Variants in NBEA observed in about 807,000 individuals in gnomAD.
The protein encoded by NBEA is neurobeachin.
Under a neutral mutation model 343.4 loss-of-function variants are expected in NBEA, and 44 were observed. That is an observed-to-expected ratio of 0.13 (90% CI 0.10 to 0.16). The LOEUF (loss-of-function observed/expected upper bound fraction) is 0.16, where lower values mean the gene tolerates loss of function less well. Ranked by LOEUF, NBEA falls within the 10% of genes least tolerant of loss-of-function variation. The pLI, the probability that NBEA is intolerant of heterozygous loss-of-function variation, is 1.00. For missense variants in NBEA, 2,555 were observed against 3,631.3 expected (o/e 0.70, Z 7.62); for synonymous variants, 1,175 against 1,238.7 (o/e 0.95, Z 1.08).
At chr13:35,662,595 C>A (rs2085151336) in intron 55 of NBEA, among the ~76,000 whole-genome samples, 1 of 152,124 alleles carries the variant, frequency 6.6e-6, no homozygotes, top group Non-Finnish European at 1.5e-5. Context: ...ACAGTGCTTT[C>A]AGGGGCCCTA....
chr13:35,270,500 AG>A (rs1330067518), intron 34 of NBEA, among the ~76,000 whole-genome samples: 1 of 152,194 alleles, frequency 6.6e-6, no homozygotes, highest in Non-Finnish European at 1.5e-5. Flanking sequence ...CAGCCCATGG[AG>A]GGCGAGCTGA....
Position 34,992,846 on chromosome 13 carries a change from T to TTC in NBEA, c.295-48086_295-48085insCT, listed in dbSNP as rs1442184560. Among the ~76,000 whole-genome samples, 4 of 149,816 alleles carry TTC rather than the reference T, an allele frequency of 2.7e-5. No individual in the cohort carries two copies. The East Asian group carries it at 7.9e-4, about 30-fold the overall frequency. ...CGCCACCACACCCGGCTAATTTTTT[T>TTC]TTTTTTTTTGTATTTTTTAGTAGAG... On this transcript the variant is annotated intron_variant, in intron 1 of 58. Coordinates refer to ENST00000379939, the MANE Select transcript of NBEA (RefSeq NM_001385012.1).
intron 36 of NBEA, among the ~76,000 whole-genome samples, chr13:35,323,975 T>G (rs1566618856): frequency 6.6e-6 from 1 of 152,200 alleles, no homozygotes; most frequent in Admixed American, 6.5e-5. Context: ...CCAGTCAAGA[T>G]GTACATAATC....
At chr13:35,198,044 A>G (rs546952083) in intron 31 of NBEA, among the ~76,000 whole-genome samples, 6 of 152,280 alleles carry the variant, frequency 3.9e-5, no homozygotes, top group African/African-American at 1.2e-4. Flanking sequence ...AAAAGTAAAA[A>G]ATGGTAGGAC....
At chr13:35,359,975 G>A (rs2040716224) in intron 38 of NBEA, among the ~76,000 whole-genome samples, 1 of 151,774 alleles carries the variant, frequency 6.6e-6, no homozygotes, top group South Asian at 2.1e-4. Context: ...ACTTCCATTG[G>A]AATGTCTTAT....
chr13:35,178,277 A>C (rs2071055081), intron 28 of NBEA, among the ~76,000 whole-genome samples: 1 of 151,776 alleles, frequency 6.6e-6, no homozygotes, highest in African/African-American at 2.4e-5. Context: ...TGTCCCAATG[A>C]ACCACTAGAA....
chr13:35,251,262 C>A, intron 34 of NBEA: 1 of 391,996 alleles, frequency 2.6e-6, no homozygotes, highest in Non-Finnish European at 3.7e-6. Context: ...TGCAGTATGC[C>A]AGTCGTCGCT....
rs1368550529 is a variant in NBEA, at chr13:35,077,712, T to C, written c.1571+6860T>C. Among the ~76,000 whole-genome samples, 6 of 152,054 alleles carry C rather than the reference T, an allele frequency of 3.9e-5. No homozygotes were observed. The South Asian group carries it at 1.2e-3, about 31-fold the overall frequency. On this transcript the variant is annotated intron_variant, in intron 10 of 58. Transcript: ENST00000379939. ...AAGAGTTATCTTTCTAAAATACAAA[T>C]CTAATTATTTCACACCAGTGGTCAT... is the stretch of plus-strand genomic sequence containing the variant.
At chr13:35,410,713 T>C (rs2152916525) in intron 38 of NBEA, among the ~76,000 whole-genome samples, 1 of 152,242 alleles carries the variant, frequency 6.6e-6, no homozygotes, top group Non-Finnish European at 1.5e-5. Context: ...TTTTACATTA[T>C]TAACTGAAGA....
chr13:34,992,238 G>GTGTA (rs775136249), intron 1 of NBEA, among the ~76,000 whole-genome samples: 2,499 of 121,898 alleles, frequency 0.021, 20 homozygotes, highest in Middle Eastern at 0.052. Context: ...GTGTGTGTGT[G>GTGTA]TATATATATA....
intron 36 of NBEA, among the ~76,000 whole-genome samples, chr13:35,316,138 C>G (rs2037698794): frequency 1.3e-5 from 2 of 151,842 alleles, no homozygotes; most frequent in Admixed American, 6.6e-5. Flanking sequence ...ACTTTAAGTT[C>G]TAGATACATG....
At chr13:35,319,603 T>C (rs1200020042) in intron 36 of NBEA, among the ~76,000 whole-genome samples, 1 of 152,192 alleles carries the variant, frequency 6.6e-6, no homozygotes, top group Non-Finnish European at 1.5e-5. Flanking sequence ...TAGATGTCTA[T>C]TAGGTCCACT....
intron 34 of NBEA, among the ~76,000 whole-genome samples, chr13:35,275,573 C>G (rs1347012285): frequency 6.6e-6 from 1 of 152,144 alleles, no homozygotes; most frequent in African/African-American, 2.4e-5. Context: ...AGGCAACCTA[C>G]AGAATGGGAG....
chr13:35,180,459 A>G (rs1302509043), intron 28 of NBEA, among the ~76,000 whole-genome samples: 1 of 151,620 alleles, frequency 6.6e-6, no homozygotes, highest in Non-Finnish European at 1.5e-5. Flanking sequence ...AAGCATACTT[A>G]TTTTAAAGTT....
At chr13:34,952,492 C>A (rs2059379177) in intron 1 of NBEA, among the ~76,000 whole-genome samples, 1 of 151,946 alleles carries the variant, frequency 6.6e-6, no homozygotes, top group African/African-American at 2.4e-5. Context: ...TTACTCTGAA[C>A]CAGAATAGTA....
chr13:35,508,129 A>G (rs2152984860), intron 41 of NBEA, among the ~76,000 whole-genome samples: 1 of 152,322 alleles, frequency 6.6e-6, no homozygotes, highest in African/African-American at 2.4e-5. Flanking sequence ...TCACAGGGCT[A>G]GAAATTGGTA....
intron 33 of NBEA, among the ~76,000 whole-genome samples, chr13:35,219,102 T>G (rs2074224935): frequency 6.6e-6 from 1 of 152,162 alleles, no homozygotes; most frequent in Non-Finnish European, 1.5e-5. Flanking sequence ...ATTGTGTTAT[T>G]CTTTTAACAT....
At chr13:35,577,469 C>T (rs1183375532) in intron 45 of NBEA, among the ~76,000 whole-genome samples, 1 of 151,968 alleles carries the variant, frequency 6.6e-6, no homozygotes, top group Non-Finnish European at 1.5e-5. Flanking sequence ...CTGTGAATTG[C>T]CTATTCATCA....
intron 1 of NBEA, among the ~76,000 whole-genome samples, chr13:35,024,438 A>G (rs563133295): frequency 3.9e-5 from 6 of 152,100 alleles, no homozygotes; most frequent in Non-Finnish European, 8.8e-5. Flanking sequence ...TTGGAAGGCC[A>G]AGGCAGATGG....
Sources: allele counts gnomAD v4.1 joint callset (sites outside exome capture counted in the v4.1 genomes callset), GRCh38; gene constraint gnomAD v4.1.1; transcripts MANE v1.5; gene names NCBI Gene and HGNC (gene_info 2026-07-23, HGNC 2026-07-21).